TFDP1: variants seen among roughly 807,000 people sequenced by gnomAD.
TFDP1 encodes the protein DRTF1-polypeptide 1.
A neutral mutation model predicts 48.0 loss-of-function variants in TFDP1; 6 were observed. The ratio of observed to expected loss-of-function variants is 0.13; its 90% CI spans 0.07 to 0.25. The LOEUF (loss-of-function observed/expected upper bound fraction) is 0.25, where lower values mean the gene tolerates loss of function less well. TFDP1 is among the 10% of genes least tolerant of loss of function. The pLI, the probability that TFDP1 is intolerant of heterozygous loss-of-function variation, is 1.00. For missense variants in TFDP1, 335 were observed against 543.0 expected (o/e 0.62, Z 3.81); for synonymous variants, 201 against 211.6 (o/e 0.95, Z 0.44).
intron 2 of TFDP1, among the ~76,000 whole-genome samples, chr13:113,604,883 G>A (rs956174758): frequency 2.6e-5 from 4 of 152,194 alleles, no homozygotes; most frequent in African/African-American, 9.6e-5. Context: ...ACTGCTGTGT[G>A]CAGGCCCCGT....
At chr13:113,637,517 T>C in intron 10 of TFDP1, 1 of 1,196,570 alleles carries the variant, frequency 8.4e-7, no homozygotes, top group Non-Finnish European at 1.1e-6. Flanking sequence ...TTTGATTCGG[T>C]TCCGTTTCAC....
intron 8 of TFDP1, 23 bp from the exon 9 acceptor site, chr13:113,635,954 C>G (rs1279090735): frequency 3.1e-6 from 5 of 1,609,866 alleles, no homozygotes; most frequent in Non-Finnish European, 4.2e-6. Context: ...CACGGGCCAC[C>G]TGGCTCCTCT....
At chr13:113,603,506 C>G (rs899245452) in intron 2 of TFDP1, among the ~76,000 whole-genome samples, 1 of 152,204 alleles carries the variant, frequency 6.6e-6, no homozygotes, top group African/African-American at 2.4e-5. Context: ...ATTCGTAGAC[C>G]CTGTCACAGA....
chr13:113,629,807 C>T (rs748236354), intron 4 of TFDP1, among the ~76,000 whole-genome samples: 7 of 152,182 alleles, frequency 4.6e-5, no homozygotes, highest in Non-Finnish European at 8.8e-5. Flanking sequence ...TAGGTTTGCT[C>T]CTGCCTGGAG....
chr13:113,623,119 C>A lies in TFDP1; in HGVS notation c.80-61C>A. On this transcript the variant is annotated intron_variant, in intron 3 of 11. Coordinates refer to ENST00000375370, the MANE Select transcript of TFDP1 (RefSeq NM_007111.5). This position sits in a 1 kb window ranked among gnomAD's most constrained non-coding sequence, Gnocchi z 5.2. ...AGCACCGTCTTGCATTTAGAATGGTCGCTTGTAGCCTTAACTTAGAAAAGG... is the reference window on the plus strand; with the variant it reads ...AGCACCGTCTTGCATTTAGAATGGTAGCTTGTAGCCTTAACTTAGAAAAGG... 1.4e-6 allele frequency: 2 copies of A among 1,450,992 alleles called. No homozygotes were observed. Among genetic ancestry groups the A allele is most frequent in the African/African-American group, 1.4e-5 (1 of 71,184 alleles). The allele number at this position is 1,450,992 out of a possible 1,614,324, so 89.9% of individuals were successfully genotyped here.
chr13:113,613,215 C>T (rs2048750513), intron 3 of TFDP1, among the ~76,000 whole-genome samples: 1 of 152,210 alleles, frequency 6.6e-6, no homozygotes, highest in Non-Finnish European at 1.5e-5. Context: ...GGGGTTTCAC[C>T]ATGTTGGTCA....
chr13:113,588,268 T>TA (rs1053772841), intron 2 of TFDP1, among the ~76,000 whole-genome samples: 4 of 152,232 alleles, frequency 2.6e-5, no homozygotes, highest in Non-Finnish European at 5.9e-5. Flanking sequence ...CTCCAGCTTC[T>TA]AAGTGCCCTG....
chr13:113,638,908 C>T (rs190374593), intron 11 of TFDP1, among the ~76,000 whole-genome samples: 7 of 152,124 alleles, frequency 4.6e-5, no homozygotes, highest in Admixed American at 3.3e-4. Flanking sequence ...CCTATGGGTC[C>T]GGGTAACAGG....
intron 3 of TFDP1, among the ~76,000 whole-genome samples, chr13:113,615,237 A>G (rs1014224934): frequency 1.3e-5 from 2 of 152,204 alleles, no homozygotes; most frequent in Non-Finnish European, 2.9e-5. Flanking sequence ...GAACATTTGC[A>G]CACACACTTT....
At chr13:113,600,085 TCCAGGACCATGAGAGAGAAC>T (rs2048375058) in intron 2 of TFDP1, among the ~76,000 whole-genome samples, 1 of 144,284 alleles carries the variant, frequency 6.9e-6, no homozygotes, top group South Asian at 2.2e-4. Context: ...CACGTAGGGC[TCCAGGACCATGAGAGAGAAC>T]CCAGGACCGT....
chr13:113,617,838 A>T (rs957298628), intron 3 of TFDP1, among the ~76,000 whole-genome samples: 1 of 152,270 alleles, frequency 6.6e-6, no homozygotes, highest in Non-Finnish European at 1.5e-5. Context: ...GTATGGTTTC[A>T]TAATTTATCT....
chr13:113,600,367 A>G (rs548485876), intron 2 of TFDP1, among the ~76,000 whole-genome samples: 1 of 79,870 alleles, frequency 1.3e-5, no homozygotes, highest in Non-Finnish European at 2.3e-5. Flanking sequence ...GGGCTCCAGG[A>G]CCGCGATAGA....
At chr13:113,635,908 G>A in intron 8 of TFDP1, 69 bp from the exon 9 acceptor site, 1 of 1,533,286 alleles carries the variant, frequency 6.5e-7, no homozygotes, top group South Asian at 1.2e-5. Flanking sequence ...GGGCTGTGAG[G>A]ACCCCTCGAG....
chr13:113,605,858 A>C (rs897211108), intron 2 of TFDP1, among the ~76,000 whole-genome samples: 2 of 143,522 alleles, frequency 1.4e-5, no homozygotes, highest in African/African-American at 5.8e-5. Flanking sequence ...GAGTGTCCGC[A>C]GGGGATCCTG....
At chr13:113,630,305 GC>G (rs1327172597) in intron 4 of TFDP1, among the ~76,000 whole-genome samples, 2 of 152,174 alleles carry the variant, frequency 1.3e-5, no homozygotes, top group African/African-American at 2.4e-5. Context: ...TCCACAGAAG[GC>G]CGCACTCTGA....
chr13:113,632,198 C>G (rs1218207434), intron 5 of TFDP1, among the ~76,000 whole-genome samples: 1 of 152,258 alleles, frequency 6.6e-6, no homozygotes, highest in African/African-American at 2.4e-5. Flanking sequence ...AAAGCAAGAT[C>G]TGATGAGCTG....
intron 8 of TFDP1, 80 bp downstream of exon 8, chr13:113,634,682 G>A (rs1442648015): frequency 9.5e-7 from 1 of 1,054,374 alleles, no homozygotes; most frequent in Non-Finnish European, 1.4e-6. Context: ...TACTGCCTTG[G>A]GTTACACTCC....
At chr13:113,590,327 A>T (rs1439189055) in intron 2 of TFDP1, among the ~76,000 whole-genome samples, 3 of 152,208 alleles carry the variant, frequency 2.0e-5, no homozygotes, top group Non-Finnish European at 4.4e-5. Flanking sequence ...CGTTTGAGTG[A>T]TGCTGTCACG....
intron 2 of TFDP1, among the ~76,000 whole-genome samples, chr13:113,594,621 G>T (rs1594412063): frequency 1.3e-5 from 2 of 152,246 alleles, no homozygotes; most frequent in East Asian, 3.8e-4. Context: ...GGTGTCCCGT[G>T]TGCTGGTCCT....
Sources: allele counts gnomAD v4.1 joint callset (sites outside exome capture counted in the v4.1 genomes callset), GRCh38; gene constraint gnomAD v4.1.1; non-coding constraint Gnocchi (gnomAD v3.1); transcripts MANE v1.5; gene names NCBI Gene and HGNC (gene_info 2026-07-23, HGNC 2026-07-21).